Variants in RTTN observed in about 807,000 individuals in gnomAD.
RTTN encodes rotatin.
In RTTN, 182 loss-of-function variants were observed where a neutral mutation model predicts 269.2. That is an observed-to-expected ratio of 0.68 (90% CI 0.60 to 0.76). The LOEUF is 0.76. Ranked by LOEUF, RTTN falls within the 30% of genes least tolerant of loss-of-function variation. RTTN has a pLI of 0.00. For missense variants in RTTN, 2,545 were observed against 2,608.6 expected, an observed-to-expected ratio of 0.98 and a Z score of 0.53; for synonymous variants, 1,006 against 963.5, an observed-to-expected ratio of 1.04 and a Z score of -0.82.
Position 70,079,032 on chromosome 18 carries a change from A to G in RTTN, c.4375-3491T>C, listed in dbSNP as rs116656533. On this transcript the variant is annotated intron_variant, in intron 32 of 48. Transcript: ENST00000640769. ...GTGGTATCTGCAGGAAATTGTGTAC[A>G]TGAGCTAAATCCTTAGGTACTAAAG... 2.3e-3 allele frequency among the ~76,000 whole-genome samples: 350 copies of G among 152,222 alleles called. 1 individual carries two copies. The highest frequency in any genetic ancestry group is 8.1e-3 in the African/African-American group (336 of 41,552).
intron 26 of RTTN, among the ~76,000 whole-genome samples, chr18:70,117,520 A>G (rs1461147579): frequency 6.6e-6 from 1 of 152,074 alleles, no homozygotes; most frequent in Non-Finnish European, 1.5e-5. Flanking sequence ...AATATATGAG[A>G]TAAAGTAGAA....
intron 47 of RTTN, 103 bp from the exon 48 acceptor site, chr18:70,005,370 TGAAA>T: frequency 1.5e-6 from 1 of 667,960 alleles, no homozygotes; most frequent in Non-Finnish European, 2.5e-6. Context: ...CAGAATATTA[TGAAA>T]TATAATAATA....
intron 32 of RTTN, among the ~76,000 whole-genome samples, chr18:70,080,928 TCA>T (rs138851066): frequency 0.026 from 3,810 of 146,788 alleles, 154 homozygotes; most frequent in African/African-American, 0.089. Flanking sequence ...GTGTGTGGTA[TCA>T]CACACACACA....
At chr18:70,114,343 G>GT in intron 27 of RTTN, 102 bp downstream of exon 27, 1 of 1,072,392 alleles carries the variant, frequency 9.3e-7, no homozygotes, top group African/African-American at 1.6e-5. Flanking sequence ...TTTGAAAGAA[G>GT]TATTTCTTAA....
rs1368953493 is a variant in RTTN, at chr18:70,193,273, AC to A, written c.1007+14del. The A allele has an allele frequency of 1.3e-6, 2 of 1,597,214 alleles. No individual in the cohort carries two copies. Among genetic ancestry groups the A allele is most frequent in the Non-Finnish European group, 1.7e-6 (2 of 1,172,094 alleles). ...CGGCATTTCTCATTTCCCCAGAGAC[AC>A]TGCTAGCAGTCACCTAGAGGACGCT... On this transcript the variant is annotated intron_variant, in intron 8 of 48. Coordinates refer to ENST00000640769, the MANE Select transcript of RTTN (RefSeq NM_173630.4).
At chr18:70,169,750 T>TA (rs952096297) in intron 11 of RTTN, among the ~76,000 whole-genome samples, 9 of 152,096 alleles carry the variant, frequency 5.9e-5, no homozygotes, top group Admixed American at 1.3e-4. Flanking sequence ...TTATGGTTTT[T>TA]AAAAAAATGG....
At chr18:70,050,632 A>C (rs930273898) in intron 39 of RTTN, among the ~76,000 whole-genome samples, 1 of 152,234 alleles carries the variant, frequency 6.6e-6, no homozygotes, top group Non-Finnish European at 1.5e-5. Flanking sequence ...ACATATGTTT[A>C]CTGTGGCACT....
intron 44 of RTTN, among the ~76,000 whole-genome samples, chr18:70,023,153 G>A (rs2145541338): frequency 6.6e-6 from 1 of 152,110 alleles, no homozygotes; most frequent in East Asian, 1.9e-4. Flanking sequence ...AAGTAGCAAG[G>A]AATTGAGGCT....
Position 70,086,669 on chromosome 18 carries a change from G to A in RTTN, c.4318C>T (p.Gln1440Ter). 1 of 548,068 alleles carries A rather than the reference G, an allele frequency of 1.8e-6. No homozygotes were observed. The highest frequency in any genetic ancestry group is 5.7e-5 in the East Asian group (1 of 17,576). 34.0% of individuals were successfully genotyped at this position (548,068 alleles called of 1,614,324 possible). ...MVRREAAFILQNLLVIPMPTE... is the reference protein window; with the variant it reads ...MVRREAAFIL ...GGCATTGGAATTACAAGGAGATTCT[G>A]AAGAATAAATGCCGCCTGAAAATGT... The change falls in exon 32 of 49, where the codon CAG becomes TAG. Residue 1440 changes from glutamine to a stop codon, truncating the protein, a stop_gained. Coordinates refer to ENST00000640769, the MANE Select transcript of RTTN (RefSeq NM_173630.4). LOFTEE classifies it high-confidence loss of function.
At chr18:70,004,349 G>T in intron 48 of RTTN, 113 bp from the exon 49 acceptor site, 1 of 590,692 alleles carries the variant, frequency 1.7e-6, no homozygotes, top group South Asian at 3.1e-5. Context: ...ATAATTTAAA[G>T]CTCTAAGTTC....
intron 5 of RTTN, among the ~76,000 whole-genome samples, chr18:70,198,646 C>T (rs2061872871): frequency 6.6e-6 from 1 of 152,184 alleles, no homozygotes; most frequent in Admixed American, 6.5e-5. Context: ...CAGCTATTTA[C>T]TCTTGTGGGT....
intron 34 of RTTN, among the ~76,000 whole-genome samples, chr18:70,072,437 A>G (rs1389423011): frequency 2.6e-5 from 4 of 152,150 alleles, no homozygotes; most frequent in Admixed American, 6.6e-5. Context: ...TTCTTTAATA[A>G]TGACTACAAT....
At position 70,092,119 on chromosome 18, in the gene RTTN, C is replaced by T. The variant is rs201131430; in HGVS notation, c.4134G>A (p.Arg1378=). ...LAWLIPLWVD[R]DPEVRFTSLG... is the part of the protein sequence containing the mutation. ...TCTCCTTCACACTCACCTCTGGGTC[C>T]CGATCAACCCATAATGGAATCAACC... is the stretch of plus-strand genomic sequence containing the variant. Residue 1378 remains arginine (R), a synonymous_variant, in exon 30 of 49, where the codon CGG becomes CGA. Transcript: ENST00000640769. 169 of 1,602,964 alleles carry T rather than the reference C, an allele frequency of 1.1e-4. No homozygotes were observed. In the East Asian group the frequency reaches 3.8e-3, roughly 36 times the overall value.
At chr18:70,029,887 T>G in intron 42 of RTTN, 125 bp downstream of exon 42, 1 of 658,062 alleles carries the variant, frequency 1.5e-6, no homozygotes, top group Non-Finnish European at 2.6e-6. Context: ...GAAGTCTCAT[T>G]AATTTATCCA....
intron 23 of RTTN, among the ~76,000 whole-genome samples, chr18:70,132,281 T>C (rs140645209): frequency 6.4e-4 from 98 of 152,154 alleles, no homozygotes; most frequent in African/African-American, 2.3e-3. Context: ...ATCTGAACAC[T>C]ATCAATAAAC....
intron 40 of RTTN, among the ~76,000 whole-genome samples, chr18:70,035,536 T>TTACATATA: frequency 6.6e-6 from 1 of 152,198 alleles, no homozygotes; most frequent in African/African-American, 2.4e-5. Flanking sequence ...GACCCCTTCC[T>TTACATATA]TACATATATA....
chr18:70,095,617 G>A (rs2058980803), intron 28 of RTTN, among the ~76,000 whole-genome samples: 1 of 152,118 alleles, frequency 6.6e-6, no homozygotes, highest in Non-Finnish European at 1.5e-5. Context: ...ATGAATATAG[G>A]CCCCCACTCT....
chr18:70,091,381 G>A (rs1019070509), intron 30 of RTTN, among the ~76,000 whole-genome samples: 3 of 151,930 alleles, frequency 2.0e-5, no homozygotes, highest in African/African-American at 7.3e-5. Context: ...AGATCATAAG[G>A]GAGTGGTCCT....
At chr18:70,170,653 CT>C (rs1216051089) in intron 11 of RTTN, among the ~76,000 whole-genome samples, 4 of 152,096 alleles carry the variant, frequency 2.6e-5, no homozygotes, top group African/African-American at 7.2e-5. Flanking sequence ...TCAGTTAAGG[CT>C]TTGGGTCGTC....
Sources: gnomAD v4.1 joint callset for allele counts (sites outside exome capture counted in the v4.1 genomes callset) on GRCh38, gnomAD v4.1.1 for gene constraint, MANE v1.5 for transcripts, NCBI Gene and HGNC (gene_info 2026-07-23, HGNC 2026-07-21) for gene names.